The following IFT46 variants were observed in gnomAD, a reference collection of about 807,000 sequenced individuals.
The protein encoded by IFT46 is intraflagellar transport protein 46 homolog.
In IFT46, 19 loss-of-function variants were observed where a neutral mutation model predicts 39.6. The observed-to-expected ratio is 0.48, with a 90% CI of 0.33 to 0.70. The LOEUF is 0.70. Ranked by LOEUF, IFT46 falls within the 30% of genes least tolerant of loss-of-function variation. The probability of loss-of-function intolerance (pLI) is 0.01; values close to 1 mark genes in which losing one functional copy is unlikely to be tolerated. For synonymous variants in IFT46, 117 were observed against 134.8 expected (o/e 0.87, Z 0.91); for missense variants, 334 against 364.8 (o/e 0.92, Z 0.69).
At chr11:118,572,544 C>T (rs782759127) in intron 1 of IFT46, 25 of 1,611,312 alleles carry the variant, frequency 1.6e-5, no homozygotes, top group Admixed American at 1.3e-4. Flanking sequence ...CCACCGCCCT[C>T]ACCATGGTAA....
chr11:118,572,657 G>T, exon 1 of IFT46: 1 of 1,437,656 alleles, frequency 7.0e-7, no homozygotes, highest in Admixed American at 2.1e-5. Context: ...GAGGGTCTAG[G>T]GCAGAGTGCT....
intron 9 of IFT46, among the ~76,000 whole-genome samples, chr11:118,550,051 C>T (rs180980751): frequency 1.3e-5 from 2 of 152,186 alleles, no homozygotes; most frequent in African/African-American, 4.8e-5. Context: ...TCTCCTGCCT[C>T]AGCCTCCCAA....
Position 118,545,463 on chromosome 11 carries a change from C to A in IFT46, c.765G>T (p.Arg255=). The change falls in exon 11 of 12, where the codon CGG becomes CGT. Residue 255 remains arginine, a synonymous_variant. Coordinates refer to ENST00000264021, the MANE Select transcript of IFT46 (RefSeq NM_001168618.2). ...AILDIPVYKS[R]IQSLHLLFSL... Reference sequence around the variant, plus strand: ...AAAAGAGCAGATGGAGGGACTGGATCCGACTCTTGTAGACAGGGATGTCTA... The same window carrying A: ...AAAAGAGCAGATGGAGGGACTGGATACGACTCTTGTAGACAGGGATGTCTA... 1.2e-6 allele frequency: 2 copies of A among 1,613,732 alleles called. No individual in the cohort carries two copies. The highest frequency in any genetic ancestry group is 1.7e-6 in the Non-Finnish European group (2 of 1,179,690).
intron 2 of IFT46, chr11:118,561,216 C>T: frequency 2.9e-6 from 4 of 1,376,308 alleles, no homozygotes; most frequent in Non-Finnish European, 1.0e-6. Flanking sequence ...CCTCACAGTA[C>T]CAAACGATTC....
chr11:118,555,112 G>A, intron 5 of IFT46, 29 bp from the exon 6 acceptor site: 2 of 1,575,484 alleles, frequency 1.3e-6, no homozygotes, highest in Non-Finnish European at 8.7e-7. Flanking sequence ...GGAAGGTGGA[G>A]ACAGTCAGAA....
chr11:118,551,711 A>T, intron 9 of IFT46, 75 bp downstream of exon 9: 7 of 906,484 alleles, frequency 7.7e-6, no homozygotes, highest in Non-Finnish European at 1.2e-5. Flanking sequence ...ATAATAATGG[A>T]GGAAGAGAAA....
chr11:118,560,982 A>T, intron 2 of IFT46: 1 of 1,388,442 alleles, frequency 7.2e-7, no homozygotes, highest in Non-Finnish European at 1.0e-6. Flanking sequence ...GCTGCAACTT[A>T]TTGTACTGGC....
intron 3 of IFT46, chr11:118,557,848 T>G: frequency 1.9e-6 from 3 of 1,613,456 alleles, no homozygotes; most frequent in South Asian, 2.2e-5. Flanking sequence ...TCCATGTCTT[T>G]GCCTCTGTGG....
chr11:118,564,473 G>C (rs988602721), intron 2 of IFT46, among the ~76,000 whole-genome samples: 3 of 152,172 alleles, frequency 2.0e-5, no homozygotes, highest in Non-Finnish European at 2.9e-5. Context: ...CACTTTGGGA[G>C]GCCAAAGCGG....
chr11:118,570,220 AT>A (rs1277873913), upstream of IFT46, among the ~76,000 whole-genome samples: 270 of 142,528 alleles, frequency 1.9e-3, no homozygotes, highest in Non-Finnish European at 1.7e-3. Flanking sequence ...TGCCCAGCTA[AT>A]TTTTTTTTTT....
At chr11:118,572,744 A>T (rs1396230939) in exon 1 of IFT46, 2 of 560,104 alleles carry the variant, frequency 3.6e-6, no homozygotes, top group African/African-American at 3.9e-5. Context: ...ACTCCAGTCC[A>T]TCTGTCGTCG....
chr11:118,565,778 A>C lies in IFT46; in HGVS notation c.-133+12T>G, dbSNP rs1336805819. 2.6e-5 allele frequency: 4 copies of C among 152,528 alleles called. No homozygotes were observed. Among genetic ancestry groups the C allele is most frequent in the Non-Finnish European group, 4.4e-5 (3 of 68,050 alleles). 9.4% of individuals were successfully genotyped at this position (152,528 alleles called of 1,614,324 possible). Reference sequence around the variant, plus strand: ...AGACAGTTCCCTTTTTGCTGGGATGAGTACTAATTACCTGTAGCCCTTCTG... The same window carrying C: ...AGACAGTTCCCTTTTTGCTGGGATGCGTACTAATTACCTGTAGCCCTTCTG... On this transcript the variant is annotated intron_variant, in intron 1 of 11. Coordinates refer to ENST00000264021, the MANE Select transcript of IFT46 (RefSeq NM_001168618.2).
At chr11:118,557,909 G>GC in intron 3 of IFT46, 6 of 1,555,282 alleles carry the variant, frequency 3.9e-6, no homozygotes, top group Non-Finnish European at 4.3e-6. Context: ...TGACCAATTG[G>GC]CCCCCTTTAA....
At chr11:118,560,670 G>C in intron 2 of IFT46, 1 of 531,864 alleles carries the variant, frequency 1.9e-6, no homozygotes, top group Non-Finnish European at 3.4e-6. Flanking sequence ...AGCCGCAAAC[G>C]CGGGTCTCTG....
At chr11:118,558,165 A>G (rs1937905272) in intron 3 of IFT46, among the ~76,000 whole-genome samples, 1 of 152,270 alleles carries the variant, frequency 6.6e-6, no homozygotes, top group African/African-American at 2.4e-5. Context: ...AATGAAACAC[A>G]GTTGCAGAAT....
rs1937778055 is a variant in IFT46 at position 118,554,992 on chromosome 11, T to C, written c.352A>G (p.Lys118Glu). ...PAVGDIDAFL[K>E]VPRPDGKPDN... ...TTTTCAGGATGTACTGACTATACCT[T>C]TAAGAATGCATCAATATCCCCGACA... Residue 118 changes from lysine to glutamate, a missense_variant and splice_region_variant, in exon 6 of 12, where the codon AAG becomes GAG. Coordinates refer to ENST00000264021, the MANE Select transcript of IFT46 (RefSeq NM_001168618.2). 6.2e-7 allele frequency: 1 copy of C among 1,605,372 alleles called. No homozygotes were observed. The highest frequency in any genetic ancestry group is 1.3e-5 in the African/African-American group (1 of 74,720).
intron 2 of IFT46, among the ~76,000 whole-genome samples, chr11:118,562,247 A>G (rs1938083020): frequency 6.6e-6 from 1 of 151,906 alleles, no homozygotes; most frequent in Non-Finnish European, 1.5e-5. Flanking sequence ...ATTGCACTCC[A>G]GCCTGGGCGA....
In IFT46 at chr11:118,544,772, T is replaced by C; in HGVS notation, c.*144A>G. On this transcript the variant is annotated 3_prime_UTR_variant, in exon 12 of 12. Transcript: ENST00000264021. ...TTAAACAAACATGTTCTGTGCCCTC[T>C]GGCAGAGAGGGCAGCAGGACATGCA... 1 of 639,392 alleles carries C rather than the reference T, an allele frequency of 1.6e-6. No homozygotes were observed. The highest frequency in any genetic ancestry group is 2.8e-6 in the Non-Finnish European group (1 of 355,096). 39.6% of individuals were successfully genotyped at this position (639,392 alleles called of 1,614,324 possible).
At chr11:118,545,532 A>G in intron 10 of IFT46, 38 bp from the exon 11 acceptor site, 1 of 1,536,094 alleles carries the variant, frequency 6.5e-7, no homozygotes, top group Non-Finnish European at 9.0e-7. Flanking sequence ...AGAAGCAAAC[A>G]AACTCCGGGA....
Sources: gnomAD v4.1 joint callset for allele counts (sites outside exome capture counted in the v4.1 genomes callset) on GRCh38, gnomAD v4.1.1 for gene constraint, MANE v1.5 for transcripts, NCBI Gene and HGNC (gene_info 2026-07-23, HGNC 2026-07-21) for gene names.